The following ZNF66 variants were observed in gnomAD, a reference collection of about 807,000 sequenced individuals.
ZNF66 encodes zinc finger protein 66, also known as putative zinc finger protein 66.
Under a neutral mutation model 35.2 loss-of-function variants are expected in ZNF66, and 32 were observed. The observed-to-expected ratio is 0.91, with a 90% CI of 0.69 to 1.22. The LOEUF is 1.22. Among genes scored for constraint, ZNF66 ranks in the 50% most tolerant of loss-of-function variants. The probability of loss-of-function intolerance (pLI) is 0.00; values close to 1 mark genes in which losing one functional copy is unlikely to be tolerated. For missense variants in ZNF66, 666 were observed against 543.1 expected, an observed-to-expected ratio of 1.23 and a Z score of -2.25; for synonymous variants, 231 against 181.3, an observed-to-expected ratio of 1.27 and a Z score of -2.20.
intron 3 of ZNF66, among the ~76,000 whole-genome samples, chr19:20,800,569 G>A (rs900991262): frequency 8.6e-5 from 13 of 152,024 alleles, no homozygotes; most frequent in Admixed American, 8.5e-4. Context: ...CATACTCTTG[G>A]CAACCAAAAA....
At chr19:20,781,531 C>G (rs777688767) in intron 1 of ZNF66, among the ~76,000 whole-genome samples, 1 of 149,044 alleles carries the variant, frequency 6.7e-6, no homozygotes, top group African/African-American at 2.5e-5. Context: ...TTTTTGGAGA[C>G]GGAGTTTTAC....
At chr19:20,782,089 T>A (rs1056091524) in intron 1 of ZNF66, among the ~76,000 whole-genome samples, 4 of 152,110 alleles carry the variant, frequency 2.6e-5, no homozygotes, top group Non-Finnish European at 4.4e-5. Flanking sequence ...CACCTGGGCG[T>A]TACCACACCT....
Position 20,806,893 on chromosome 19 carries a change from C to A in ZNF66, c.1293C>A (p.Gly431=). The stretch of plus-strand genomic sequence containing the variant: ...AACCCTACAAATGTGAAGAATGTGG[C>A]AAAGCCTTCAGTCGGTCCTCTATTC... The part of the protein sequence containing the change: ...GEKPYKCEEC[G]KAFSRSSILT... The change falls in exon 4 of 4, where the codon GGC becomes GGA. Residue 431 remains glycine, a synonymous_variant. Coordinates refer to ENST00000344519, the MANE Select transcript of ZNF66 (RefSeq NM_001355197.2). 7.5e-7 allele frequency: 1 copy of A among 1,334,660 alleles called. No individual in the cohort carries two copies. The highest frequency in any genetic ancestry group is 1.8e-4 in the Middle Eastern group (1 of 5,526). The allele number at this position is 1,334,660 out of a possible 1,614,324, so 82.7% of individuals were successfully genotyped here.
chr19:20,785,751 G>GTTTTTTTTTTT (rs1171317364), intron 1 of ZNF66, among the ~76,000 whole-genome samples: 2 of 148,738 alleles, frequency 1.3e-5, no homozygotes, highest in African/African-American at 5.0e-5. Flanking sequence ...TTCTTTTTCT[G>GTTTTTTTTTTT]TTTTTGTTTG....
chr19:20,798,180 A>G (rs1971413230), intron 3 of ZNF66, among the ~76,000 whole-genome samples: 1 of 152,132 alleles, frequency 6.6e-6, no homozygotes, highest in Admixed American at 6.5e-5. Flanking sequence ...TTCATGAGAG[A>G]AACATTTTTG....
At chr19:20,778,553 A>G (rs12976813) in intron 1 of ZNF66, among the ~76,000 whole-genome samples, 118,987 of 151,892 alleles carry the variant, frequency 0.78, 46,868 homozygotes, top group Non-Finnish European at 0.83. Context: ...GGAGGCCTAG[A>G]CAGGTTGATT....
chr19:20,778,968 A>G (rs1466785379), intron 1 of ZNF66, among the ~76,000 whole-genome samples: 1 of 152,140 alleles, frequency 6.6e-6, no homozygotes, highest in Non-Finnish European at 1.5e-5. Flanking sequence ...CTGCAACTGG[A>G]TATTGAAGAC....
chr19:20,797,491 C>T (rs1318494651), intron 3 of ZNF66, among the ~76,000 whole-genome samples: 6 of 151,220 alleles, frequency 4.0e-5, no homozygotes, highest in Non-Finnish European at 7.4e-5. Flanking sequence ...CAGGCGTGAG[C>T]CACCGCGCCC....
rs748135947 is a variant in ZNF66 at position 20,806,038 on chromosome 19, A to G, written c.438A>G (p.Gln146=). The G allele has an allele frequency of 4.8e-6, 4 of 834,042 alleles. No homozygotes were observed. The highest frequency in any genetic ancestry group is 8.2e-6 in the Non-Finnish European group (4 of 485,484). The allele number at this position is 834,042 out of a possible 1,614,324, so 51.7% of individuals were successfully genotyped here. ...CAACTACCCAAAGCAAAATGTTTCAATGTGATAAACATGGGAAAGTCTTTC... is the reference window on the plus strand; with the variant it reads ...CAACTACCCAAAGCAAAATGTTTCAGTGTGATAAACATGGGAAAGTCTTTC... ...CLTTTQSKMF[Q]CDKHGKVFHQ... is the part of the protein sequence containing the mutation. The change falls in exon 4 of 4, where the codon CAA becomes CAG. Residue 146 remains glutamine, a synonymous_variant. Transcript: ENST00000344519.
At chr19:20,799,281 C>G (rs943435694) in intron 3 of ZNF66, 1 of 152,006 alleles carries the variant, frequency 6.6e-6, no homozygotes, top group Non-Finnish European at 1.5e-5. Context: ...AGGCTCGTCT[C>G]AAACTCCTGA....
intron 3 of ZNF66, among the ~76,000 whole-genome samples, chr19:20,800,645 C>T (rs1169915042): frequency 1.3e-5 from 2 of 152,138 alleles, no homozygotes; most frequent in African/African-American, 4.8e-5. Context: ...TCACCTCACA[C>T]TTACTCTGTC....
intron 1 of ZNF66, among the ~76,000 whole-genome samples, chr19:20,779,604 G>A (rs1041708545): frequency 1.6e-4 from 24 of 151,944 alleles, no homozygotes; most frequent in Non-Finnish European, 2.5e-4. Flanking sequence ...TGAGGCAGTC[G>A]GATCACCTGA....
intron 1 of ZNF66, among the ~76,000 whole-genome samples, chr19:20,785,408 C>G (rs1971278410): frequency 6.6e-6 from 1 of 152,234 alleles, no homozygotes; most frequent in Non-Finnish European, 1.5e-5. Context: ...TCAGCAGCCA[C>G]TGGGCTTCAA....
intron 3 of ZNF66, among the ~76,000 whole-genome samples, chr19:20,800,898 A>G (rs1159018788): frequency 2.0e-5 from 3 of 151,950 alleles, no homozygotes; most frequent in Non-Finnish European, 4.4e-5. Flanking sequence ...TGAATTTTCT[A>G]TTTATTAATT....
chr19:20,807,048 G>T lies in ZNF66; in HGVS notation c.1448G>T (p.Cys483Phe), dbSNP rs1027882853. The T allele has an allele frequency of 1.2e-6, 1 of 841,380 alleles. No homozygotes were observed. The highest frequency in any genetic ancestry group is 2.1e-6 in the Non-Finnish European group (1 of 481,210). The allele number at this position is 841,380 out of a possible 1,614,324, so 52.1% of individuals were successfully genotyped here. ...CATACTGGAGAGAAGCCTTACAAATGTGAAGAATGTGGCAAGGCCTTTAAG... is the reference window on the plus strand; with the variant it reads ...CATACTGGAGAGAAGCCTTACAAATTTGAAGAATGTGGCAAGGCCTTTAAG... Reference protein sequence around the residue: ...KIHTGEKPYKCEECGKAFKCS... With the variant: ...KIHTGEKPYKFEECGKAFKCS... Residue 483 changes from cysteine to phenylalanine, a missense_variant, in exon 4 of 4, where the codon TGT becomes TTT. Coordinates refer to ENST00000344519, the MANE Select transcript of ZNF66 (RefSeq NM_001355197.2).
chr19:20,782,607 T>A (rs1971254728), intron 1 of ZNF66, among the ~76,000 whole-genome samples: 1 of 152,226 alleles, frequency 6.6e-6, no homozygotes, highest in South Asian at 2.1e-4. Flanking sequence ...GTTTTTCTTT[T>A]AATTTCTCTA....
At chr19:20,779,822 G>C (rs1238539212) in intron 1 of ZNF66, among the ~76,000 whole-genome samples, 2 of 151,976 alleles carry the variant, frequency 1.3e-5, no homozygotes, top group Admixed American at 6.6e-5. Context: ...CATCTACTCG[G>C]GAGGCTGAGG....
rs1971566344 is a variant in ZNF66, at chr19:20,809,500, G to T, written c.*2178G>T. Among the ~76,000 whole-genome samples, 1 of 152,134 alleles carries T rather than the reference G, an allele frequency of 6.6e-6. No homozygotes were observed. The highest frequency in any genetic ancestry group is 1.5e-5 in the Non-Finnish European group (1 of 68,028). ...TGACCTCTTGGCAGAAACTCTATAA[G>T]CCAGAAGAGAGTGGGGGCCAATATT... On this transcript the variant is annotated 3_prime_UTR_variant, in exon 4 of 4. Transcript: ENST00000344519.
In ZNF66 at chr19:20,805,870, C is replaced by A; in HGVS notation, c.270C>A (p.Ser90Arg). The A allele has an allele frequency of 1.5e-6, 1 of 649,160 alleles. No homozygotes were observed. Among genetic ancestry groups the A allele is most frequent in the Non-Finnish European group, 2.8e-6 (1 of 358,048 alleles). The allele number at this position is 649,160 out of a possible 1,614,324, so 40.2% of individuals were successfully genotyped here. A position where few individuals can be genotyped will look rare whatever the true frequency, so the allele number is the denominator to read the frequency against. The stretch of plus-strand genomic sequence containing the variant: ...ACCAAGACCTTTGGCCAGAGCAGAG[C>A]ATAAAAGATTCTTTCCAAAAACTGA... Reference protein sequence around the residue: ...HFNQDLWPEQSIKDSFQKLIL... With the variant: ...HFNQDLWPEQRIKDSFQKLIL... Residue 90 changes from serine to arginine, a missense_variant, in exon 4 of 4, where the codon AGC becomes AGA. Coordinates refer to ENST00000344519, the MANE Select transcript of ZNF66 (RefSeq NM_001355197.2).
Sources: gnomAD v4.1 joint callset for allele counts (sites outside exome capture counted in the v4.1 genomes callset) on GRCh38, gnomAD v4.1.1 for gene constraint, MANE v1.5 for transcripts, NCBI Gene and HGNC (gene_info 2026-07-23, HGNC 2026-07-21) for gene names.